The following TET3 variants were observed in gnomAD, a reference collection of about 807,000 sequenced individuals.
TET3 encodes tet methylcytosine dioxygenase 3, also known as methylcytosine dioxygenase TET3.
In TET3, 19 loss-of-function variants were observed where a neutral mutation model predicts 141.4. The ratio of observed to expected loss-of-function variants is 0.13; its 90% CI spans 0.09 to 0.20. TET3 has a LOEUF of 0.20. Among genes scored for constraint, TET3 ranks in the 10% least tolerant of loss-of-function variants. TET3 has a pLI of 1.00. For missense variants in TET3, 1,874 were observed against 2,356.9 expected (o/e 0.80, Z 4.24); for synonymous variants, 1,043 against 980.9 (o/e 1.06, Z -1.18).
At chr2:74,049,424 G>A (rs1364986047) in intron 4 of TET3, among the ~76,000 whole-genome samples, 1 of 152,104 alleles carries the variant, frequency 6.6e-6, no homozygotes. Context: ...GTAGGGTGCA[G>A]GGCCACTGAG....
chr2:74,134,445 T>A, the TET3 span: 2 of 303,486 alleles, frequency 6.6e-6, no homozygotes, highest in South Asian at 6.0e-5. Context: ...ATATTTGAAA[T>A]TTTTTTCTGC....
Position 74,107,590 on chromosome 2 carries a change from A to C in TET3, c.*5414A>C, listed in dbSNP as rs1691575199. 6.6e-6 allele frequency: 1 copy of C among 152,086 alleles called. No homozygotes were observed. Among genetic ancestry groups the C allele is most frequent in the South Asian group, 2.1e-4 (1 of 4,826 alleles). 9.4% of individuals were successfully genotyped at this position (152,086 alleles called of 1,614,324 possible). ...GAGTGATGTCATTTCTTTTTCATGTATTCCAATTAAAGAAACAAGGGCAGG... is the reference window on the plus strand; with the variant it reads ...GAGTGATGTCATTTCTTTTTCATGTCTTCCAATTAAAGAAACAAGGGCAGG... On this transcript the variant is annotated 3_prime_UTR_variant, in exon 12 of 12. Transcript: ENST00000409262.
In TET3 at chr2:74,105,397, GC is replaced by G. The variant is rs1202276670; in HGVS notation, c.*3222del. The G allele has an allele frequency of 2.5e-6, 1 of 398,418 alleles. No homozygotes were observed. The highest frequency in any genetic ancestry group is 4.4e-6 in the Non-Finnish European group (1 of 226,060). 24.7% of individuals were successfully genotyped at this position (398,418 alleles called of 1,614,324 possible). On this transcript the variant is annotated 3_prime_UTR_variant, in exon 12 of 12. Coordinates refer to ENST00000409262, the MANE Select transcript of TET3 (RefSeq NM_001287491.2). ...CTACGAGATTTTTAAAATAAAAATC[GC>G]TTCGCAGCAGGTTCTCACAAAATAA...
intron 4 of TET3, among the ~76,000 whole-genome samples, chr2:74,060,331 G>C (rs555470255): frequency 2.6e-5 from 4 of 152,240 alleles, no homozygotes; most frequent in Admixed American, 1.3e-4. Context: ...TCAAGTTGCT[G>C]TTCAAGCCCA....
intron 4 of TET3, among the ~76,000 whole-genome samples, chr2:74,061,430 ACCTC>A (rs1203569395): frequency 1.0e-5 from 1 of 99,662 alleles, no homozygotes; most frequent in Non-Finnish European, 2.0e-5. Flanking sequence ...TGACCCCCCC[ACCTC>A]CCTCCCGGAC....
intron 2 of TET3, among the ~76,000 whole-genome samples, chr2:73,989,020 A>G (rs1385617861): frequency 2.6e-5 from 3 of 116,956 alleles, no homozygotes; most frequent in African/African-American, 7.7e-5. Context: ...TTTTTGGTCC[A>G]TGAAGGCTGA....
At chr2:74,076,280 G>T (rs574738837) in intron 5 of TET3, among the ~76,000 whole-genome samples, 1 of 151,902 alleles carries the variant, frequency 6.6e-6, no homozygotes, top group Non-Finnish European at 1.5e-5. Flanking sequence ...TTAGCAACTG[G>T]TTTATTTTTA....
chr2:74,040,243 A>G (rs1369579281), intron 3 of TET3, among the ~76,000 whole-genome samples: 2 of 151,946 alleles, frequency 1.3e-5, no homozygotes, highest in African/African-American at 4.8e-5. Context: ...GTGTGTGTGC[A>G]TGCACACATA....
rs986712603 is a variant in TET3 at position 74,103,260 on chromosome 2, T to C, written c.*1084T>C. On this transcript the variant is annotated 3_prime_UTR_variant, in exon 12 of 12. Transcript: ENST00000409262. The stretch of plus-strand genomic sequence containing the variant: ...TGAAAAGCCAGTGGTGCTCTGTGCA[T>C]GGTGCTGTGCGGAGCCTGGTGCTGT... The C allele has an allele frequency of 6.5e-6, 1 of 152,710 alleles. No homozygotes were observed. Among genetic ancestry groups the C allele is most frequent in the Non-Finnish European group, 1.5e-5 (1 of 68,254 alleles). 9.5% of individuals were successfully genotyped at this position (152,710 alleles called of 1,614,324 possible). A position where few individuals can be genotyped will look rare whatever the true frequency, so the allele number is the denominator to read the frequency against.
In TET3 at chr2:74,047,202, C is replaced by G; in HGVS notation, c.1285C>G (p.Pro429Ala). Residue 429 changes from proline to alanine, a missense_variant, in exon 4 of 12, where the codon CCT becomes GCT. This residue lies in a region of TET3 where 484 missense variants were observed against 462.2 expected (regional missense o/e 1.05). Transcript: ENST00000409262. ...TAGCTCTGCCTTCCCTCCAGCAACT[C>G]CTAGAACTGAGTTCCCTGAAGCCTG... ...PDSSAFPPATPRTEFPEAWGT... is the reference protein window; with the variant it reads ...PDSSAFPPATARTEFPEAWGT... The G allele has an allele frequency of 6.2e-7, 1 of 1,613,978 alleles. No individual in the cohort carries two copies. The highest frequency in any genetic ancestry group is 8.5e-7 in the Non-Finnish European group (1 of 1,179,884).
intron 4 of TET3, among the ~76,000 whole-genome samples, chr2:74,072,059 C>T (rs572945428): frequency 5.3e-5 from 8 of 152,178 alleles, no homozygotes; most frequent in Non-Finnish European, 1.2e-4. Context: ...CAAAAAAACA[C>T]CGTTACCCAT....
intron 2 of TET3, among the ~76,000 whole-genome samples, chr2:73,990,433 C>T (rs1311240184): frequency 6.6e-6 from 1 of 152,116 alleles, no homozygotes; most frequent in African/African-American, 2.4e-5. Flanking sequence ...AACAGTAGAG[C>T]CAGGCAGAGG....
At chr2:74,031,102 A>C (rs534509677) in intron 3 of TET3, among the ~76,000 whole-genome samples, 1 of 152,146 alleles carries the variant, frequency 6.6e-6, no homozygotes, top group South Asian at 2.1e-4. Context: ...AGGAAAAAGG[A>C]AACTTTGGGG....
At chr2:74,113,006 CAAAAAAAA>C (rs60299737), downstream of TET3, among the ~76,000 whole-genome samples, 1,169 of 34,140 alleles carry the variant, frequency 0.034, 22 homozygotes, top group African/African-American at 0.12. Flanking sequence ...GACTCCGTCT[CAAAAAAAA>C]AAAAAAAAAA....
At chr2:73,987,233 C>G (rs1278247592) in intron 2 of TET3, among the ~76,000 whole-genome samples, 1 of 152,122 alleles carries the variant, frequency 6.6e-6, no homozygotes, top group South Asian at 2.1e-4. Flanking sequence ...GTTTTGGGTT[C>G]CCCTATCTTA....
At chr2:74,050,015 T>A (rs1687861053) in intron 4 of TET3, among the ~76,000 whole-genome samples, 1 of 152,156 alleles carries the variant, frequency 6.6e-6, no homozygotes, top group Non-Finnish European at 1.5e-5. Context: ...CTTACCCTTT[T>A]CTCTGTGCGT....
Position 74,071,895 on chromosome 2 carries a change from A to C in TET3, c.2495-1654A>C, listed in dbSNP as rs142356596. Among the ~76,000 whole-genome samples the C allele has an allele frequency of 4.6e-5, 7 of 152,306 alleles. No individual in the cohort carries two copies. The East Asian group carries it at 5.8e-4, about 13-fold the overall frequency. On this transcript the variant is annotated intron_variant, in intron 4 of 11. Coordinates refer to ENST00000409262, the MANE Select transcript of TET3 (RefSeq NM_001287491.2). ...AGAAAAACTCATTTAAAATTCATCC[A>C]TGTTGTTACGTGAATGGTTGGTTCC...
chr2:74,113,023 A>AC (rs1427649651), downstream of TET3, among the ~76,000 whole-genome samples: 23 of 149,968 alleles, frequency 1.5e-4, no homozygotes, highest in African/African-American at 5.1e-4. Flanking sequence ...AAAAAAAAAA[A>AC]AAAAAAAAAA....
intron 2 of TET3, among the ~76,000 whole-genome samples, chr2:73,988,245 G>A (rs1263334216): frequency 6.6e-6 from 1 of 152,138 alleles, no homozygotes; most frequent in Non-Finnish European, 1.5e-5. Context: ...TGTAAGAGCT[G>A]GTGCTTTGGT....
Sources: allele counts gnomAD v4.1 joint callset (sites outside exome capture counted in the v4.1 genomes callset), GRCh38; gene constraint gnomAD v4.1.1; regional missense constraint gnomAD v4.1.1; transcripts MANE v1.5; gene names NCBI Gene and HGNC (gene_info 2026-07-23, HGNC 2026-07-21).